LRRC1: variants seen among roughly 807,000 people sequenced by gnomAD.
LRRC1 encodes leucine rich repeat containing 1.
LRRC1 carries 28 observed loss-of-function variants against 69.9 expected under a neutral mutation model. That is an observed-to-expected ratio of 0.40 (90% CI 0.30 to 0.55). The LOEUF (loss-of-function observed/expected upper bound fraction) is 0.55, where lower values mean the gene tolerates loss of function less well. Among genes scored for constraint, LRRC1 ranks in the 20% least tolerant of loss-of-function variants. The pLI is 0.47. For synonymous variants in LRRC1, 236 were observed against 240.2 expected (o/e 0.98, Z 0.16); for missense variants, 498 against 609.0 (o/e 0.82, Z 1.92).
intron 1 of LRRC1, among the ~76,000 whole-genome samples, chr6:53,832,625 A>T (rs1322176447): frequency 6.6e-6 from 1 of 152,184 alleles, no homozygotes; most frequent in East Asian, 1.9e-4. Flanking sequence ...TCTGTATGTA[A>T]ACAGATTATA....
At chr6:53,798,215 T>C (rs1764358334) in intron 1 of LRRC1, among the ~76,000 whole-genome samples, 1 of 152,204 alleles carries the variant, frequency 6.6e-6, no homozygotes, top group Non-Finnish European at 1.5e-5. Context: ...TCCCTCATCT[T>C]CAGTTTGGTT....
At chr6:53,796,386 A>G (rs973707628) in intron 1 of LRRC1, among the ~76,000 whole-genome samples, 2 of 152,162 alleles carry the variant, frequency 1.3e-5, no homozygotes, top group African/African-American at 4.8e-5. Flanking sequence ...AGGTGTGTGC[A>G]GGAAGTCGGT....
chr6:53,804,426 A>G (rs965903509), intron 1 of LRRC1, among the ~76,000 whole-genome samples: 3 of 152,124 alleles, frequency 2.0e-5, no homozygotes, highest in African/African-American at 4.8e-5. Flanking sequence ...ATGTATTTTA[A>G]TGGATTGTTT....
chr6:53,918,281 T>C (rs1768632124), intron 11 of LRRC1, among the ~76,000 whole-genome samples: 1 of 152,244 alleles, frequency 6.6e-6, no homozygotes, highest in African/African-American at 2.4e-5. Context: ...TCCTCAGTAC[T>C]GCACCCAATA....
intron 8 of LRRC1, among the ~76,000 whole-genome samples, chr6:53,901,899 CTG>C (rs1215464911): frequency 1.3e-5 from 2 of 152,302 alleles, no homozygotes; most frequent in African/African-American, 4.8e-5. Flanking sequence ...AGCTTTATGA[CTG>C]TGTTAGAATA....
chr6:53,888,268 AAATT>A (rs1235656235), intron 4 of LRRC1, among the ~76,000 whole-genome samples: 1 of 152,220 alleles, frequency 6.6e-6, no homozygotes, highest in African/African-American at 2.4e-5. Context: ...TAGAGCTAAT[AAATT>A]AATTCAGGAA....
At chr6:53,851,672 G>A (rs1289181117) in intron 2 of LRRC1, among the ~76,000 whole-genome samples, 2 of 151,976 alleles carry the variant, frequency 1.3e-5, no homozygotes, top group Non-Finnish European at 2.9e-5. Context: ...ACATATAAAA[G>A]TAACCATCAC....
chr6:53,808,911 G>T (rs1208405429), intron 1 of LRRC1, among the ~76,000 whole-genome samples: 1 of 152,114 alleles, frequency 6.6e-6, no homozygotes, highest in African/African-American at 2.4e-5. Context: ...AAGGAAAGGG[G>T]TCACTAAATA....
chr6:53,838,192 A>C (rs1765664137), intron 1 of LRRC1, among the ~76,000 whole-genome samples: 1 of 152,174 alleles, frequency 6.6e-6, no homozygotes, highest in Admixed American at 6.5e-5. Flanking sequence ...TTTGGATACC[A>C]TATTAAGATC....
chr6:53,868,862 A>G (rs528269144), intron 2 of LRRC1, among the ~76,000 whole-genome samples: 1 of 152,332 alleles, frequency 6.6e-6, no homozygotes, highest in South Asian at 2.1e-4. Context: ...TGCATCAAAT[A>G]TCACATTCAT....
intron 2 of LRRC1, among the ~76,000 whole-genome samples, chr6:53,857,020 T>G (rs12193567): frequency 0.37 from 56,469 of 151,934 alleles, 10,959 homozygotes; most frequent in East Asian, 0.64. Context: ...GGTCTGAGGG[T>G]AAAAGATGAG....
At chr6:53,859,684 C>T (rs895770035) in intron 2 of LRRC1, among the ~76,000 whole-genome samples, 3 of 152,144 alleles carry the variant, frequency 2.0e-5, no homozygotes, top group Non-Finnish European at 2.9e-5. Context: ...CATTGGCATC[C>T]TTCTGCCAGG....
chr6:53,902,518 A>T, intron 8 of LRRC1, 111 bp from the exon 9 acceptor site: 1 of 579,730 alleles, frequency 1.7e-6, no homozygotes, highest in Non-Finnish European at 2.9e-6. Context: ...TGAGGAAAAA[A>T]TAAGTAACTG....
intron 10 of LRRC1, among the ~76,000 whole-genome samples, chr6:53,909,436 G>A (rs1385229957): frequency 1.3e-5 from 2 of 152,206 alleles, no homozygotes; most frequent in Non-Finnish European, 2.9e-5. Context: ...CATTGTTAAA[G>A]TGTGTATGTA....
In LRRC1 at chr6:53,894,358, A is replaced by G. The variant is rs1243418551; in HGVS notation, c.447-2140A>G. Among the ~76,000 whole-genome samples, 4 of 152,186 alleles carry G rather than the reference A, an allele frequency of 2.6e-5. No individual in the cohort carries two copies. In the East Asian group the frequency reaches 7.7e-4, roughly 29 times the overall value. Reference sequence around the variant, plus strand: ...GGTTTCTCCCCCTTGGCTCTGGTCTATGTTTCAGGCAGGAGATGCTGAGAG... The same window carrying G: ...GGTTTCTCCCCCTTGGCTCTGGTCTGTGTTTCAGGCAGGAGATGCTGAGAG... On this transcript the variant is annotated intron_variant, in intron 4 of 13. Transcript: ENST00000370888.
At chr6:53,820,017 G>T (rs3003493) in intron 1 of LRRC1, among the ~76,000 whole-genome samples, 125,100 of 152,150 alleles carry the variant, frequency 0.82, 51,657 homozygotes, top group East Asian at 0.92. Flanking sequence ...TTTGGGCCAG[G>T]TCTCCATGAT....
chr6:53,863,746 AGT>A (rs1361212024), intron 2 of LRRC1, among the ~76,000 whole-genome samples: 2 of 152,170 alleles, frequency 1.3e-5, no homozygotes, highest in East Asian at 3.8e-4. Flanking sequence ...TTAACAGAAC[AGT>A]GTAATTTTTT....
At chr6:53,801,708 G>T (rs563492869) in intron 1 of LRRC1, among the ~76,000 whole-genome samples, 3 of 152,268 alleles carry the variant, frequency 2.0e-5, no homozygotes, top group Admixed American at 1.3e-4. Context: ...GGTTAGTGGA[G>T]ATTAGAGTCT....
At chr6:53,829,303 A>C (rs1232357172) in intron 1 of LRRC1, among the ~76,000 whole-genome samples, 1 of 152,228 alleles carries the variant, frequency 6.6e-6, no homozygotes, top group Non-Finnish European at 1.5e-5. Context: ...TTTTAGGATT[A>C]AATGAGATTA....
Sources: gnomAD v4.1 joint callset for allele counts (sites outside exome capture counted in the v4.1 genomes callset) on GRCh38, gnomAD v4.1.1 for gene constraint, MANE v1.5 for transcripts, NCBI Gene and HGNC (gene_info 2026-07-23, HGNC 2026-07-21) for gene names.